GAB2: variants seen among roughly 807,000 people sequenced by gnomAD.
The protein encoded by GAB2 is GRB2-associated-binding protein 2.
Under a neutral mutation model 65.5 loss-of-function variants are expected in GAB2, and 26 were observed. The ratio of observed to expected loss-of-function variants is 0.40; its 90% confidence interval spans 0.29 to 0.55. The LOEUF is 0.55. Ranked by LOEUF, GAB2 falls within the 20% of genes least tolerant of loss-of-function variation. GAB2 has a pLI of 0.53. For missense variants in GAB2, 884 were observed against 875.8 expected (o/e 1.01, Z -0.12); for synonymous variants, 321 against 329.6 (o/e 0.97, Z 0.28).
intron 1 of GAB2, among the ~76,000 whole-genome samples, chr11:78,306,120 C>A (rs1185783121): frequency 6.6e-6 from 1 of 152,178 alleles, no homozygotes; most frequent in Non-Finnish European, 1.5e-5. Context: ...TTGTTAGAAC[C>A]TTCAACTTTA....
chr11:78,303,603 T>G (rs1376582931), intron 1 of GAB2, among the ~76,000 whole-genome samples: 1 of 152,224 alleles, frequency 6.6e-6, no homozygotes, highest in African/African-American at 2.4e-5. Flanking sequence ...GTGTAAGTTC[T>G]CCAACTTTGT....
In GAB2 at chr11:78,337,323, G is replaced by A. The variant is rs1856019293; in HGVS notation, c.76-56422C>T. On this transcript the variant is annotated intron_variant, in intron 1 of 9. Coordinates refer to ENST00000361507, the MANE Select transcript of GAB2 (RefSeq NM_080491.3). ...CAGGGCAAAAGGCAATATGCAAAAGGCACCAGAAGCTACTATGCGGGGGTT... is the reference window on the plus strand; with the variant it reads ...CAGGGCAAAAGGCAATATGCAAAAGACACCAGAAGCTACTATGCGGGGGTT... Among the ~76,000 whole-genome samples the A allele has an allele frequency of 3.3e-5, 5 of 152,294 alleles. No homozygotes were observed. In the South Asian group the frequency reaches 1.0e-3, roughly 32 times the overall value.
intron 1 of GAB2, among the ~76,000 whole-genome samples, chr11:78,305,765 A>T (rs1316221573): frequency 6.6e-6 from 1 of 152,224 alleles, no homozygotes; most frequent in Non-Finnish European, 1.5e-5. Flanking sequence ...GACCCTGAGG[A>T]ATAGGGCTCT....
chr11:78,383,998 G>C (rs116608911), intron 1 of GAB2, among the ~76,000 whole-genome samples: 1 of 152,148 alleles, frequency 6.6e-6, no homozygotes, highest in African/African-American at 2.4e-5. Context: ...GCAGCGTGGC[G>C]ACAGAGGCAT....
intron 1 of GAB2, 124 bp from the exon 2 acceptor site, chr11:78,281,025 C>A: frequency 2.7e-6 from 2 of 741,340 alleles, no homozygotes; most frequent in Admixed American, 2.6e-5. Context: ...ACAATCAAAG[C>A]TCACTGCAAT....
At chr11:78,358,211 C>T (rs1383429631) in intron 1 of GAB2, among the ~76,000 whole-genome samples, 5 of 147,192 alleles carry the variant, frequency 3.4e-5, no homozygotes, top group African/African-American at 1.0e-4. Context: ...AACCAAACAC[C>T]GCATGTTCTC....
rs115917117 is a variant in GAB2, at chr11:78,390,905, G to C, written c.75+26741C>G. Among the ~76,000 whole-genome samples, 1,407 of 152,278 alleles carry C rather than the reference G, an allele frequency of 9.2e-3. 24 individuals carry two copies. Among genetic ancestry groups the C allele is most frequent in the African/African-American group, 0.032 (1,335 of 41,540 alleles). ...CACTGTTCTAGATTGATGAGGATCT[G>C]GAGATCAATAACGCAGATGAAATCC... On this transcript the variant is annotated intron_variant, in intron 1 of 9. Coordinates refer to ENST00000361507, the MANE Select transcript of GAB2 (RefSeq NM_080491.3).
intron 1 of GAB2, among the ~76,000 whole-genome samples, chr11:78,383,927 C>A (rs1029115683): frequency 1.3e-5 from 2 of 152,154 alleles, no homozygotes; most frequent in Non-Finnish European, 2.9e-5. Flanking sequence ...CGTGACATTG[C>A]TGGCTTTCCT....
intron 2 of GAB2, 108 bp downstream of exon 2, chr11:78,280,493 A>C: frequency 1.1e-6 from 1 of 883,658 alleles, no homozygotes; most frequent in Non-Finnish European, 1.8e-6. Flanking sequence ...TTTATCTATG[A>C]ACGCTCTTCC....
At chr11:78,335,133 G>A (rs1855976891) in intron 1 of GAB2, among the ~76,000 whole-genome samples, 2 of 152,084 alleles carry the variant, frequency 1.3e-5, no homozygotes, top group Non-Finnish European at 2.9e-5. Context: ...TATATTTTCT[G>A]GTTATTAATC....
At chr11:78,224,585 T>C (rs999585973) in intron 5 of GAB2, among the ~76,000 whole-genome samples, 24 of 152,338 alleles carry the variant, frequency 1.6e-4, no homozygotes, top group African/African-American at 5.8e-4. Flanking sequence ...TCTGCCTTGG[T>C]TACCTGATTT....
intron 1 of GAB2, among the ~76,000 whole-genome samples, chr11:78,368,255 C>T (rs1856523876): frequency 3.9e-5 from 6 of 152,340 alleles, no homozygotes; most frequent in Admixed American, 3.3e-4. Flanking sequence ...TGAACAGCAA[C>T]TCAACCAATG....
chr11:78,317,135 C>T lies in GAB2; in HGVS notation c.76-36234G>A, dbSNP rs115436191. ...AATACAACAGTGGTTATTAGGCCACCGGAGGAATAGGGCATCAATGTCTAA... is the reference window on the plus strand; with the variant it reads ...AATACAACAGTGGTTATTAGGCCACTGGAGGAATAGGGCATCAATGTCTAA... On this transcript the variant is annotated intron_variant, in intron 1 of 9. Transcript: ENST00000361507. 8.6e-3 allele frequency among the ~76,000 whole-genome samples: 1,309 copies of T among 152,138 alleles called. 19 individuals carry two copies. Among genetic ancestry groups the T allele is most frequent in the African/African-American group, 0.03 (1,241 of 41,484 alleles).
chr11:78,295,581 C>T (rs1306286132), intron 1 of GAB2, among the ~76,000 whole-genome samples: 3 of 152,138 alleles, frequency 2.0e-5, no homozygotes, highest in Admixed American at 2.0e-4. Context: ...AAGTACAGTA[C>T]ATAGGTAACT....
chr11:78,323,767 A>C (rs1855769957), intron 1 of GAB2, among the ~76,000 whole-genome samples: 1 of 145,144 alleles, frequency 6.9e-6, no homozygotes, highest in Admixed American at 6.9e-5. Context: ...GAACAAACCT[A>C]CACGTGTACC....
At chr11:78,271,070 A>G (rs1865997258) in intron 2 of GAB2, among the ~76,000 whole-genome samples, 1 of 152,226 alleles carries the variant, frequency 6.6e-6, no homozygotes, top group Non-Finnish European at 1.5e-5. Flanking sequence ...CTCAGCTTTG[A>G]GAATTCAAAA....
rs116079584 is a variant in GAB2 at position 78,328,293 on chromosome 11, A to G, written c.76-47392T>C. On this transcript the variant is annotated intron_variant, in intron 1 of 9. Transcript: ENST00000361507. ...TAGCATTGCATTTGCAGTCTTCCCA[A>G]TCAGCAGTCCATTAAGCAGCCATCA... 4.7e-3 allele frequency among the ~76,000 whole-genome samples: 722 copies of G among 152,336 alleles called. 4 individuals are homozygous for G. Among genetic ancestry groups the G allele is most frequent in the African/African-American group, 0.017 (697 of 41,574 alleles).
In GAB2 at chr11:78,250,294, T is replaced by C. The variant is rs1247553079; in HGVS notation, c.483A>G (p.Pro161=). ...ACAGAGTTGGCTGGCTGGAGTGTGA[T>C]GGGGCTGAGGACTTGCGCTCTCGGA... ...HLLRERKSSA[P]SHSSQPTLFT... is the part of the protein sequence containing the mutation. The change falls in exon 3 of 10, where the codon CCA becomes CCG. Residue 161 remains proline (P), a synonymous_variant. Coordinates refer to ENST00000361507, the MANE Select transcript of GAB2 (RefSeq NM_080491.3). 1 of 1,613,386 alleles carries C rather than the reference T, an allele frequency of 6.2e-7. No individual in the cohort carries two copies. The highest frequency in any genetic ancestry group is 2.2e-5 in the East Asian group (1 of 44,840).
chr11:78,250,047 C>T, intron 3 of GAB2, 110 bp downstream of exon 3: 1 of 1,133,798 alleles, frequency 8.8e-7, no homozygotes, highest in Non-Finnish European at 1.3e-6. Context: ...ACGTGTTTGT[C>T]TACCTGAAAC....
Sources: gnomAD v4.1 joint callset for allele counts (sites outside exome capture counted in the v4.1 genomes callset) on GRCh38, gnomAD v4.1.1 for gene constraint, MANE v1.5 for transcripts, NCBI Gene and HGNC (gene_info 2026-07-23, HGNC 2026-07-21) for gene names.